Variants in TRPV1 observed in about 807,000 individuals in gnomAD.
The protein encoded by TRPV1 is transient receptor potential cation channel subfamily V member 1, also known as OTRPC1.
TRPV1 carries 82 observed loss-of-function variants against 82.3 expected under a neutral mutation model. That is an observed-to-expected ratio of 1.00 (90% confidence interval 0.83 to 1.20). The LOEUF is 1.20. TRPV1 is among the 50% of genes most tolerant of loss of function. The pLI is 0.00. For synonymous variants in TRPV1, 515 were observed against 467.7 expected, an observed-to-expected ratio of 1.10 and a Z score of -1.30; for missense variants, 1,067 against 1,096.8, an observed-to-expected ratio of 0.97 and a Z score of 0.38.
intron 10 of TRPV1, among the ~76,000 whole-genome samples, chr17:3,581,052 A>G (rs543784250): frequency 2.0e-4 from 31 of 152,212 alleles, no homozygotes; most frequent in African/African-American, 7.2e-4. Flanking sequence ...TGGATTTACA[A>G]CTATACCCAG....
At chr17:3,597,518 C>T (rs2075230085) in intron 2 of TRPV1, among the ~76,000 whole-genome samples, 1 of 152,116 alleles carries the variant, frequency 6.6e-6, no homozygotes, top group Admixed American at 6.6e-5. Flanking sequence ...GAACTAGTCC[C>T]TAACTCTCTT....
Position 3,566,664 on chromosome 17 carries a change from C to T in TRPV1, c.*151G>A. The T allele has an allele frequency of 1.1e-6, 1 of 942,710 alleles. No homozygotes were observed. The highest frequency in any genetic ancestry group is 1.5e-6 in the Non-Finnish European group (1 of 652,342). 58.4% of individuals were successfully genotyped at this position (942,710 alleles called of 1,614,324 possible). On this transcript the variant is annotated 3_prime_UTR_variant, in exon 17 of 17. Coordinates refer to ENST00000572705, the MANE Select transcript of TRPV1 (RefSeq NM_080704.4). Reference sequence around the variant, plus strand: ...CTCCCCATGCTTCCAAGAACGCTTCCCACAGCTTGTCCAGCACAGATTTGG... The same window carrying T: ...CTCCCCATGCTTCCAAGAACGCTTCTCACAGCTTGTCCAGCACAGATTTGG...
chr17:3,565,995 A>C lies in TRPV1; in HGVS notation c.*820T>G, dbSNP rs1365476518. 2 of 151,352 alleles carry C rather than the reference A, an allele frequency of 1.3e-5. No homozygotes were observed. Among genetic ancestry groups the C allele is most frequent in the East Asian group, 3.9e-4 (2 of 5,156 alleles). The allele number at this position is 151,352 out of a possible 1,614,324, so 9.4% of individuals were successfully genotyped here. ...GAGACCAGCCTGGCCAACATGGTGA[A>C]ACCCCGTCTCTATTAAAAATACAAA... On this transcript the variant is annotated 3_prime_UTR_variant, in exon 17 of 17. Coordinates refer to ENST00000572705, the MANE Select transcript of TRPV1 (RefSeq NM_080704.4).
chr17:3,575,955 G>C (rs980669898), intron 13 of TRPV1, among the ~76,000 whole-genome samples: 1 of 152,080 alleles, frequency 6.6e-6, no homozygotes, highest in Non-Finnish European at 1.5e-5. Flanking sequence ...GGTCAGGCGC[G>C]GTGGCTCACC....
In TRPV1 at chr17:3,598,379, G is replaced by A. The variant is rs138089860; in HGVS notation, c.-33-5996C>T. On this transcript the variant is annotated intron_variant, in intron 2 of 16. Coordinates refer to ENST00000572705, the MANE Select transcript of TRPV1 (RefSeq NM_080704.4). Reference sequence around the variant, plus strand: ...TTTCCCAAACCCGCTCTCGCAGGCCGTACAGCAACCCCGGGCAGTGGGAGG... The same window carrying A: ...TTTCCCAAACCCGCTCTCGCAGGCCATACAGCAACCCCGGGCAGTGGGAGG... 2.6e-3 allele frequency among the ~76,000 whole-genome samples: 391 copies of A among 152,238 alleles called. 8 individuals are homozygous for A. In the East Asian group the frequency reaches 0.034, roughly 13 times the overall value.
At chr17:3,589,054 G>T in intron 7 of TRPV1, 2 of 1,275,576 alleles carry the variant, frequency 1.6e-6, no homozygotes, top group Non-Finnish European at 2.2e-6. Flanking sequence ...GGGAGGCTGA[G>T]GTGGAAGGAT....
chr17:3,568,480 A>G (rs1386068012), intron 16 of TRPV1, among the ~76,000 whole-genome samples: 1 of 152,196 alleles, frequency 6.6e-6, no homozygotes, highest in Admixed American at 6.5e-5. Flanking sequence ...AACTAAACTC[A>G]CAGGAAAATC....
chr17:3,567,302 C>G (rs2150819912), intron 16 of TRPV1, among the ~76,000 whole-genome samples: 2 of 133,780 alleles, frequency 1.5e-5, no homozygotes, highest in Admixed American at 8.8e-5. Flanking sequence ...CTGGGAGGCA[C>G]AGGCTGCAGT....
intron 2 of TRPV1, among the ~76,000 whole-genome samples, chr17:3,608,024 G>A (rs969217470): frequency 3.9e-5 from 6 of 151,978 alleles, no homozygotes; most frequent in Admixed American, 3.3e-4. Context: ...AGACCAGCCT[G>A]GCCAACATGA....
chr17:3,571,522 A>T lies in TRPV1; in HGVS notation c.2347+2T>A. The stretch of plus-strand genomic sequence containing the variant: ...CGCCAAGCACCGGCCCTCACGCCTC[A>T]CCTCTGCTTGACCGCAGGGAGAAGC... On this transcript the variant is annotated splice_donor_variant, in intron 16 of 16. Coordinates refer to ENST00000572705, the MANE Select transcript of TRPV1 (RefSeq NM_080704.4). LOFTEE classifies it high-confidence loss of function. 6.3e-7 allele frequency: 1 copy of T among 1,593,354 alleles called. No homozygotes were observed. Among genetic ancestry groups the T allele is most frequent in the Non-Finnish European group, 8.5e-7 (1 of 1,169,980 alleles).
chr17:3,581,739 G>C (rs1439361996), intron 10 of TRPV1, among the ~76,000 whole-genome samples: 3 of 144,648 alleles, frequency 2.1e-5, no homozygotes, highest in African/African-American at 2.5e-5. Flanking sequence ...ACAAAAATTA[G>C]CCGGGCGCGG....
chr17:3,592,313 G>A lies in TRPV1; in HGVS notation c.38C>T (p.Ala13Val), dbSNP rs200164496. Residue 13 changes from alanine (A) to valine (V), a missense_variant, in exon 3 of 17, where the codon GCG becomes GTG. Physicochemically the swap from Ala to Val is moderately conservative, Grantham distance 64. Transcript: ENST00000572705. Reference protein sequence around the residue: ...KWSSTDLGAAADPLQKDTCPD... With the variant: ...KWSSTDLGAAVDPLQKDTCPD... ...GCAGGTGTCCTTTTGGAGTGGGTCC[G>A]CAGCTGCCCCCAAGTCTGTGCTGCT... is the stretch of plus-strand genomic sequence containing the variant. 1,260 of 1,598,540 alleles carry A rather than the reference G, an allele frequency of 7.9e-4. 3 individuals are homozygous for A. The highest frequency in any genetic ancestry group is 5.2e-3 in the Middle Eastern group (31 of 5,986).
chr17:3,582,270 G>T (rs2075031153), intron 10 of TRPV1, among the ~76,000 whole-genome samples: 1 of 149,952 alleles, frequency 6.7e-6, no homozygotes, highest in African/African-American at 2.4e-5. Flanking sequence ...TACTCCAGAG[G>T]CTGAGGTGGG....
At chr17:3,599,058 G>A (rs1257761700) in intron 2 of TRPV1, among the ~76,000 whole-genome samples, 1 of 151,420 alleles carries the variant, frequency 6.6e-6, no homozygotes, top group Non-Finnish European at 1.5e-5. Context: ...TGACCAACAT[G>A]GTGAAACCCC....
rs775454969 is a variant in TRPV1 at position 3,580,431 on chromosome 17, TGGGAATGAGTCA to T, written c.1547+14_1547+25del. Reference sequence around the variant, plus strand: ...GATTGCGGTCACCTGGGGACTGGACTGGGAATGAGTCAAAGTGTCACTTACAAAAGCATCTCA... The same window carrying T: ...GATTGCGGTCACCTGGGGACTGGACTAAGTGTCACTTACAAAAGCATCTCA... On this transcript the variant is annotated intron_variant, in intron 11 of 16. Coordinates refer to ENST00000572705, the MANE Select transcript of TRPV1 (RefSeq NM_080704.4). The T allele has an allele frequency of 1.4e-4, 222 of 1,613,788 alleles. 2 individuals are homozygous for T. The Middle Eastern group carries it at 1.7e-3, about 12-fold the overall frequency.
rs201599822 is a variant in TRPV1, at chr17:3,572,166, C to G, written c.2187G>C (p.Val729=). 9.3e-6 allele frequency: 15 copies of G among 1,613,556 alleles called. No homozygotes were observed. Among genetic ancestry groups the G allele is most frequent in the Non-Finnish European group, 1.1e-5 (13 of 1,179,748 alleles). The part of the protein sequence containing the change: ...KAFRSGKLLQ[V]GYTPDGKDDY... ...CGTCCTTGCCATCAGGTGTGTACCC[C>G]ACCTGCAGCAGCTTGCCTGAGCGGA... The change falls in exon 15 of 17, where the codon GTG becomes GTC. Residue 729 remains valine, a synonymous_variant. Coordinates refer to ENST00000572705, the MANE Select transcript of TRPV1 (RefSeq NM_080704.4).
intron 10 of TRPV1, 85 bp downstream of exon 10, chr17:3,583,253 T>C: frequency 8.2e-7 from 1 of 1,212,324 alleles, no homozygotes; most frequent in South Asian, 1.4e-5. Flanking sequence ...TCTGATGAAT[T>C]AAAAAGTGAG....
At position 3,576,991 on chromosome 17, in the gene TRPV1, C is replaced by CT. The variant is rs1057165741; in HGVS notation, c.1780+134dup. The CT allele has an allele frequency of 2.6e-5, 22 of 844,520 alleles. 3 individuals are homozygous for CT. Among genetic ancestry groups the CT allele is most frequent in the East Asian group, 8.4e-5 (3 of 35,832 alleles). 52.3% of individuals were successfully genotyped at this position (844,520 alleles called of 1,614,324 possible). A position where few individuals can be genotyped will look rare whatever the true frequency, so the allele number is the denominator to read the frequency against. On this transcript the variant is annotated intron_variant, in intron 13 of 16. Transcript: ENST00000572705. ...CCTGGAGCTCATTTCAGTGTGTCCT[C>CT]TGTCCACCCTCTCAGTCACCTGCAG...
At chr17:3,575,337 G>T (rs1165193559) in intron 13 of TRPV1, among the ~76,000 whole-genome samples, 1 of 152,004 alleles carries the variant, frequency 6.6e-6, no homozygotes, top group African/African-American at 2.4e-5. Flanking sequence ...ATAAAAATTA[G>T]CCGGGCGTGA....
Sources: gnomAD v4.1 joint callset for allele counts (sites outside exome capture counted in the v4.1 genomes callset) on GRCh38, gnomAD v4.1.1 for gene constraint, MANE v1.5 for transcripts, NCBI Gene and HGNC (gene_info 2026-07-23, HGNC 2026-07-21) for gene names.